PKMYT1: variants seen among roughly 807,000 people sequenced by gnomAD.
PKMYT1 encodes the protein protein kinase, membrane associated tyrosine/threonine 1, also known as membrane-associated tyrosine- and threonine-specific cdc2-inhibitory kinase.
Under a neutral mutation model 49.7 loss-of-function variants are expected in PKMYT1, and 35 were observed. The ratio of observed to expected loss-of-function variants is 0.70; its 90% CI spans 0.54 to 0.93. The LOEUF (loss-of-function observed/expected upper bound fraction) is 0.93. PKMYT1 is among the 40% of genes least tolerant of loss of function. The probability of loss-of-function intolerance (pLI) is 0.00; values close to 1 mark genes in which losing one functional copy is unlikely to be tolerated. For synonymous variants in PKMYT1, 331 were observed against 287.6 expected (o/e 1.15, Z -1.53); for missense variants, 677 against 673.1 (o/e 1.01, Z -0.06).
At chr16:2,975,258 C>G (rs1394370937) in intron 4 of PKMYT1, 61 bp downstream of exon 4, 1 of 1,495,056 alleles carries the variant, frequency 6.7e-7, no homozygotes, top group Non-Finnish European at 8.9e-7. Flanking sequence ...GGGAATGGAG[C>G]TTCCGTCCCA....
Position 2,979,648 on chromosome 16 carries a change from G to C in PKMYT1, c.10C>G (p.Arg4Gly), listed in dbSNP as rs141021541. The change falls in exon 2 of 9, where the codon CGG (arginine) becomes GGG (glycine). Residue 4 changes from arginine to glycine, a missense_variant and splice_region_variant. Physicochemically the swap from Arg to Gly is moderately radical, Grantham distance 125. Transcript: ENST00000262300. ...CCACCGTCCCTGCCCTACGACTTAC[G>C]TTCTAGCATGACTGGCCTGGCCCAA... MLE[R>G]PPALAMPMPT... The C allele has an allele frequency of 3.1e-6, 5 of 1,612,762 alleles. No homozygotes were observed. The African/African-American group carries it at 6.7e-5, about 22-fold the overall frequency.
chr16:2,975,635 G>A lies in PKMYT1; in HGVS notation c.556C>T (p.Gln186Ter). 1 of 1,611,562 alleles carries A rather than the reference G, an allele frequency of 6.2e-7. No homozygotes were observed. Among genetic ancestry groups the A allele is most frequent in the Non-Finnish European group, 8.5e-7 (1 of 1,179,768 alleles). Residue 186 changes from glutamine to a stop codon, truncating the protein, a stop_gained, in exon 4 of 9, where the codon CAG becomes TAG. Coordinates refer to ENST00000262300, the MANE Select transcript of PKMYT1 (RefSeq NM_004203.5). LOFTEE classifies it high-confidence loss of function. ...AWEEGGILYL[Q>*]TELCGPSLQQ... ...AGGCTGGGCCCGCACAGCTCCGTCT[G>A]CAGGTACAGGATGCCGCCCTCCTCC... is the stretch of plus-strand genomic sequence containing the variant.
At position 2,976,703 on chromosome 16, in the gene PKMYT1, G is replaced by A; in HGVS notation, c.339C>T (p.Leu113=). Residue 113 remains leucine, a synonymous_variant, in exon 3 of 9, where the codon CTC becomes CTT. Coordinates refer to ENST00000262300, the MANE Select transcript of PKMYT1 (RefSeq NM_004203.5). Reference sequence around the variant, plus strand: ...CGTAGGAGCCATGGCCCAGGCGGCTGAGCCTCTGGAAGCTCTGCTGGAAGA... The same window carrying A: ...CGTAGGAGCCATGGCCCAGGCGGCTAAGCCTCTGGAAGCTCTGCTGGAAGA... ...ESFFQQSFQR[L]SRLGHGSYGE... The A allele has an allele frequency of 6.7e-7, 1 of 1,489,466 alleles. No individual in the cohort carries two copies. Among genetic ancestry groups the A allele is most frequent in the Non-Finnish European group, 9.0e-7 (1 of 1,117,146 alleles). 92.3% of individuals were successfully genotyped at this position (1,489,466 alleles called of 1,614,324 possible).
chr16:2,977,317 T>A, intron 2 of PKMYT1: 1 of 1,218,006 alleles, frequency 8.2e-7, no homozygotes, highest in Non-Finnish European at 1.0e-6. Flanking sequence ...AGCAAGGCAG[T>A]TTGGAGTCAG....
Position 2,977,044 on chromosome 16 carries a change from AC to A in PKMYT1, c.11-14del, listed in dbSNP as rs755392026. ...AGTGCAGGAGGCCCTGGGGGCAGAGACAGAGGCTGAGTACAGGGCAGCATGT... is the reference window on the plus strand; with the variant it reads ...AGTGCAGGAGGCCCTGGGGGCAGAGAAGAGGCTGAGTACAGGGCAGCATGT... On this transcript the variant is annotated splice_polypyrimidine_tract_variant and intron_variant, in intron 2 of 8. Coordinates refer to ENST00000262300, the MANE Select transcript of PKMYT1 (RefSeq NM_004203.5). 1.3e-5 allele frequency: 21 copies of A among 1,589,776 alleles called. No homozygotes were observed. The highest frequency in any genetic ancestry group is 1.6e-5 in the Non-Finnish European group (19 of 1,175,368).
intron 2 of PKMYT1, chr16:2,977,322 A>C: frequency 8.2e-7 from 1 of 1,225,474 alleles, no homozygotes; most frequent in South Asian, 2.3e-5. Flanking sequence ...GGCAGTTTGG[A>C]GTCAGACGGG....
Position 2,979,670 on chromosome 16 carries a change from C to T in PKMYT1, c.-13G>A. 6.2e-7 allele frequency: 1 copy of T among 1,613,898 alleles called. No homozygotes were observed. The highest frequency in any genetic ancestry group is 8.5e-7 in the Non-Finnish European group (1 of 1,179,866). On this transcript the variant is annotated 5_prime_UTR_variant, in exon 2 of 9. Transcript: ENST00000262300. Reference sequence around the variant, plus strand: ...TACGTTCTAGCATGACTGGCCTGGCCCAACAGCCTCAGTGGTGGGACGGGG... The same window carrying T: ...TACGTTCTAGCATGACTGGCCTGGCTCAACAGCCTCAGTGGTGGGACGGGG...
chr16:2,978,558 G>A (rs1379666568), intron 2 of PKMYT1, among the ~76,000 whole-genome samples: 1 of 151,970 alleles, frequency 6.6e-6, no homozygotes, highest in East Asian at 2.0e-4. Context: ...GTCCAGCCTG[G>A]CCAACATGGT....
chr16:2,973,758 G>A (rs926941508), intron 7 of PKMYT1, among the ~76,000 whole-genome samples: 2 of 152,156 alleles, frequency 1.3e-5, no homozygotes, highest in Admixed American at 6.5e-5. Flanking sequence ...GGGGCTGCGC[G>A]GCCAGCCACT....
At position 2,976,950 on chromosome 16, in the gene PKMYT1, T is replaced by A. The variant is rs1291808015; in HGVS notation, c.92A>T (p.Tyr31Phe). 5.8e-6 allele frequency: 9 copies of A among 1,552,472 alleles called. No homozygotes were observed. The highest frequency in any genetic ancestry group is 7.0e-6 in the Non-Finnish European group (8 of 1,146,842). Reference protein sequence around the residue: ...LSGTPIPVPAYFRHAEPGFSL... With the variant: ...LSGTPIPVPAFFRHAEPGFSL... ...GAATCCAGGTTCTGCGTGGCGGAAG[T>A]AGGCTGGGACTGGGATGGGGGTGCC... Residue 31 changes from tyrosine (Y) to phenylalanine (F), a missense_variant, in exon 3 of 9, where the codon TAC becomes TTC. Coordinates refer to ENST00000262300, the MANE Select transcript of PKMYT1 (RefSeq NM_004203.5).
Position 2,975,694 on chromosome 16 carries a change from T to TGCCCCACCTTCTCGTGGCTGCC in PKMYT1, c.475_496dup (p.Gln166ArgfsTer41). The TGCCCCACCTTCTCGTGGCTGCC allele has an allele frequency of 6.2e-7, 1 of 1,609,314 alleles. No individual in the cohort carries two copies. The highest frequency in any genetic ancestry group is 8.5e-7 in the Non-Finnish European group (1 of 1,179,862). On this transcript the variant is annotated frameshift_variant, in exon 4 of 9. Transcript: ENST00000262300. LOFTEE classifies it high-confidence loss of function. ...CTCCAGCCGCACGCAGCATGGGTGCTGCCCCACCTTCTCGTGGCTGCCCAC... is the reference window on the plus strand; with the variant it reads ...CTCCAGCCGCACGCAGCATGGGTGCTGCCCCACCTTCTCGTGGCTGCCGCCCCACCTTCTCGTGGCTGCCCAC...
intron 3 of PKMYT1, chr16:2,976,140 C>A: frequency 2.9e-6 from 1 of 349,864 alleles, no homozygotes; most frequent in Non-Finnish European, 5.2e-6. Flanking sequence ...GTGGGCTCCC[C>A]TGTGAGAAAG....
Position 2,974,541 on chromosome 16 carries a change from C to T in PKMYT1, c.979+9G>A, listed in dbSNP as rs1257290918. ...GTGGCAGCACCCCCTCCCGCCCTCA[C>T]CTACTCACCGGCAGTGAACTCAGGG... On this transcript the variant is annotated intron_variant, in intron 5 of 8. Coordinates refer to ENST00000262300, the MANE Select transcript of PKMYT1 (RefSeq NM_004203.5). 3 of 1,559,182 alleles carry T rather than the reference C, an allele frequency of 1.9e-6. No individual in the cohort carries two copies. The highest frequency in any genetic ancestry group is 2.4e-5 in the South Asian group (2 of 83,402).
rs756013470 is a variant in PKMYT1, at chr16:2,975,819, G to T, written c.379-7C>A. The T allele has an allele frequency of 1.9e-6, 3 of 1,582,452 alleles. No individual in the cohort carries two copies. The highest frequency in any genetic ancestry group is 2.7e-5 in the African/African-American group (2 of 74,762). On this transcript the variant is annotated splice_region_variant and splice_polypyrimidine_tract_variant and intron_variant, in intron 3 of 8. Coordinates refer to ENST00000262300, the MANE Select transcript of PKMYT1 (RefSeq NM_004203.5). ...CGTCCTCCTTGGAGCGCACCTGGAA[G>T]GGAGGTGGTACCCACGCACACAGTG... is the stretch of plus-strand genomic sequence containing the variant.
intron 2 of PKMYT1, chr16:2,977,390 C>CA: frequency 1.0e-6 from 1 of 999,738 alleles, no homozygotes; most frequent in Non-Finnish European, 1.2e-6. Flanking sequence ...ACTACACAAC[C>CA]TCTTCCGAGA....
chr16:2,977,446 C>T (rs1284190587), intron 2 of PKMYT1: 1 of 1,001,974 alleles, frequency 1.0e-6, no homozygotes, highest in Admixed American at 5.6e-5. Flanking sequence ...AAGTGAAAAC[C>T]CGGAATCCCT....
chr16:2,979,463 C>G, intron 2 of PKMYT1, 185 bp downstream of exon 2: 1 of 617,018 alleles, frequency 1.6e-6, no homozygotes, highest in Non-Finnish European at 3.0e-6. Context: ...TGTGGAGACT[C>G]TTCCTCTGAC....
chr16:2,977,211 C>T, intron 2 of PKMYT1, 180 bp from the exon 3 acceptor site: 1 of 1,418,934 alleles, frequency 7.0e-7, no homozygotes, highest in Admixed American at 2.7e-5. Flanking sequence ...GATTCATACT[C>T]ACCTGCCCAC....
chr16:2,973,458 T>G (rs750204107), intron 7 of PKMYT1: 1 of 1,516,016 alleles, frequency 6.6e-7, no homozygotes, highest in South Asian at 1.2e-5. Flanking sequence ...TGGAGGCAGA[T>G]TTGAAATAAA....
Sources: allele counts gnomAD v4.1 joint callset (sites outside exome capture counted in the v4.1 genomes callset), GRCh38; gene constraint gnomAD v4.1.1; transcripts MANE v1.5; gene names NCBI Gene and HGNC (gene_info 2026-07-23, HGNC 2026-07-21).